The following VAV3 variants were observed in gnomAD, a reference collection of about 807,000 sequenced individuals.
The protein encoded by VAV3 is guanine nucleotide exchange factor VAV3.
Under a neutral mutation model 131.2 loss-of-function variants are expected in VAV3, and 94 were observed. The ratio of observed to expected loss-of-function variants is 0.72; its 90% CI spans 0.61 to 0.85. VAV3 has a LOEUF of 0.85. Ranked by LOEUF, VAV3 falls within the 40% of genes least tolerant of loss-of-function variation. The probability of loss-of-function intolerance (pLI) is 0.00; values close to 1 mark genes in which losing one functional copy is unlikely to be tolerated. For missense variants in VAV3, 939 were observed against 1,002.7 expected (o/e 0.94, Z 0.86); for synonymous variants, 349 against 342.0 (o/e 1.02, Z -0.22).
At chr1:107,669,419 T>A (rs1043008907) in intron 19 of VAV3, 3 of 1,289,754 alleles carry the variant, frequency 2.3e-6, no homozygotes, top group Non-Finnish European at 3.0e-6. Context: ...CTTTTTACAA[T>A]GCTTCTAGTA....
At chr1:107,843,104 A>G (rs1214722738) in intron 2 of VAV3, among the ~76,000 whole-genome samples, 1 of 152,062 alleles carries the variant, frequency 6.6e-6, no homozygotes. Flanking sequence ...GTTCCAATTT[A>G]TCGTGAAACC....
At chr1:107,673,204 G>T (rs141115461) in intron 19 of VAV3, among the ~76,000 whole-genome samples, 2 of 152,094 alleles carry the variant, frequency 1.3e-5, no homozygotes, top group African/African-American at 4.8e-5. Context: ...ATTCAAGTGC[G>T]GCTAGGGTGA....
chr1:107,595,797 A>G (rs1651331446), intron 25 of VAV3, among the ~76,000 whole-genome samples: 1 of 152,184 alleles, frequency 6.6e-6, no homozygotes, highest in South Asian at 2.1e-4. Flanking sequence ...TCATTGAAAT[A>G]GACCATAAGC....
At chr1:107,688,947 C>T (rs1343690077) in intron 17 of VAV3, among the ~76,000 whole-genome samples, 2 of 151,896 alleles carry the variant, frequency 1.3e-5, no homozygotes, top group Admixed American at 6.6e-5. Context: ...TAAAAAAAAA[C>T]TGAGTCAGGA....
chr1:107,574,959 T>TTCTCTCTC (rs200845787), intron 25 of VAV3, among the ~76,000 whole-genome samples: 5 of 140,368 alleles, frequency 3.6e-5, no homozygotes, highest in African/African-American at 8.3e-5. Flanking sequence ...AGAGTTGAGT[T>TTCTCTCTC]TCTCTGTGTG....
intron 1 of VAV3, among the ~76,000 whole-genome samples, chr1:107,952,655 A>C (rs911073827): frequency 6.6e-6 from 1 of 151,834 alleles, no homozygotes; most frequent in Non-Finnish European, 1.5e-5. Context: ...AGCCATGCCC[A>C]TTCACTCTAA....
At chr1:107,799,802 A>G (rs1666738398) in intron 2 of VAV3, among the ~76,000 whole-genome samples, 1 of 152,110 alleles carries the variant, frequency 6.6e-6, no homozygotes, top group Admixed American at 6.5e-5. Flanking sequence ...TTTTCTATCA[A>G]ATTGTATATC....
At chr1:107,744,459 G>A (rs962399998) in intron 15 of VAV3, among the ~76,000 whole-genome samples, 13 of 152,122 alleles carry the variant, frequency 8.5e-5, no homozygotes, top group African/African-American at 3.1e-4. Context: ...GAAATTCTAG[G>A]CAAGAGGACC....
chr1:107,964,322 T>G, intron 1 of VAV3: 1 of 200,558 alleles, frequency 5.0e-6, no homozygotes. Context: ...TCCCCTTCGT[T>G]ATTATAGAAG....
At chr1:107,885,359 A>G (rs1371516586) in intron 1 of VAV3, among the ~76,000 whole-genome samples, 1 of 152,110 alleles carries the variant, frequency 6.6e-6, no homozygotes, top group African/African-American at 2.4e-5. Context: ...ACATCAATTC[A>G]CTAAATGAAT....
intron 20 of VAV3, among the ~76,000 whole-genome samples, chr1:107,623,949 G>A (rs914387310): frequency 6.6e-6 from 1 of 152,070 alleles, no homozygotes; most frequent in Admixed American, 6.5e-5. Context: ...CTTGGTCTAG[G>A]ATCTCTGAAA....
At chr1:107,902,723 T>C (rs956741690) in intron 1 of VAV3, among the ~76,000 whole-genome samples, 2 of 152,070 alleles carry the variant, frequency 1.3e-5, no homozygotes, top group Admixed American at 1.3e-4. Context: ...CATATCTATG[T>C]ATCAACAAGA....
intron 2 of VAV3, among the ~76,000 whole-genome samples, chr1:107,847,089 A>G (rs1669004322): frequency 6.6e-6 from 1 of 152,188 alleles, no homozygotes; most frequent in Non-Finnish European, 1.5e-5. Flanking sequence ...ACCACAGTGC[A>G]CTCAAATCAG....
chr1:107,576,845 C>T (rs1159718578), intron 25 of VAV3, among the ~76,000 whole-genome samples: 2 of 152,166 alleles, frequency 1.3e-5, no homozygotes, highest in Non-Finnish European at 1.5e-5. Flanking sequence ...AAAGAAAAGC[C>T]TGTAAGATGG....
intron 24 of VAV3, among the ~76,000 whole-genome samples, chr1:107,598,547 G>A (rs1281191069): frequency 2.6e-5 from 4 of 152,148 alleles, no homozygotes; most frequent in African/African-American, 7.2e-5. Context: ...CTTGGGCCCA[G>A]ATAATGTGGG....
At chr1:107,718,206 G>A (rs1028489004) in intron 15 of VAV3, among the ~76,000 whole-genome samples, 1 of 152,214 alleles carries the variant, frequency 6.6e-6, no homozygotes, top group East Asian at 1.9e-4. Context: ...GTTCTGGCCA[G>A]GGCAATCAAG....
intron 1 of VAV3, among the ~76,000 whole-genome samples, chr1:107,925,509 A>T (rs1418693603): frequency 6.6e-6 from 1 of 152,228 alleles, no homozygotes; most frequent in African/African-American, 2.4e-5. Context: ...AATTTCAGGA[A>T]GGAAATTCTG....
At chr1:107,808,585 C>A (rs531193068) in intron 2 of VAV3, among the ~76,000 whole-genome samples, 2 of 152,124 alleles carry the variant, frequency 1.3e-5, no homozygotes, top group South Asian at 4.2e-4. Flanking sequence ...GATTCAAATA[C>A]CCATCAATGA....
At chr1:107,931,475 TA>T (rs1673435737) in intron 1 of VAV3, among the ~76,000 whole-genome samples, 1 of 152,222 alleles carries the variant, frequency 6.6e-6, no homozygotes, top group Non-Finnish European at 1.5e-5. Context: ...GCAAATGTGA[TA>T]ACCTAGATAA....
Sources: gnomAD v4.1 joint callset for allele counts (sites outside exome capture counted in the v4.1 genomes callset) on GRCh38, gnomAD v4.1.1 for gene constraint, MANE v1.5 for transcripts, NCBI Gene and HGNC (gene_info 2026-07-23, HGNC 2026-07-21) for gene names.